The following DLGAP2 variants were observed in gnomAD, a reference collection of about 807,000 sequenced individuals.
DLGAP2 encodes disks large-associated protein 2.
In DLGAP2, 26 loss-of-function variants were observed where a neutral mutation model predicts 100.3. The observed-to-expected ratio is 0.26, with a 90% CI of 0.19 to 0.36. DLGAP2 has a LOEUF of 0.36. Ranked by LOEUF, DLGAP2 falls within the 10% of genes least tolerant of loss-of-function variation. The pLI, the probability that DLGAP2 is intolerant of heterozygous loss-of-function variation, is 1.00. For synonymous variants in DLGAP2, 886 were observed against 630.1 expected (o/e 1.41, Z -6.08); for missense variants, 1,858 against 1,453.2 (o/e 1.28, Z -4.53).
chr8:1,673,803 A>G (rs1445181455), intron 10 of DLGAP2, among the ~76,000 whole-genome samples: 1 of 152,224 alleles, frequency 6.6e-6, no homozygotes, highest in Non-Finnish European at 1.5e-5. Flanking sequence ...ACCAGCTCCA[A>G]AAACTGTATT....
At chr8:954,641 G>C (rs1383007182) in intron 2 of DLGAP2, among the ~76,000 whole-genome samples, 2 of 152,158 alleles carry the variant, frequency 1.3e-5, no homozygotes, top group African/African-American at 2.4e-5. Context: ...ATTGGATTTA[G>C]ATAAAGTTTA....
rs117910090 is a variant in DLGAP2, at chr8:1,311,217, A to C, written c.106+52334A>C. Among the ~76,000 whole-genome samples, 1,123 of 152,326 alleles carry C rather than the reference A, an allele frequency of 7.4e-3. 42 individuals are homozygous for C. The highest frequency in any genetic ancestry group is 0.061 in the Admixed American group (938 of 15,304). On this transcript the variant is annotated intron_variant, in intron 3 of 14. Coordinates refer to ENST00000637795, the MANE Select transcript of DLGAP2 (RefSeq NM_001346810.2). ...ATTTATATAACAATGAAAATGACCT[A>C]AACTGACTGAAGACAAGATAAAAAA...
chr8:1,462,751 C>A (rs1477200301), intron 3 of DLGAP2, among the ~76,000 whole-genome samples: 1 of 152,214 alleles, frequency 6.6e-6, no homozygotes. Flanking sequence ...CCACGTCCCC[C>A]CGCAGAGGCC....
rs6558512 is a variant in DLGAP2 at position 1,693,843 on chromosome 8, A to G, written c.2796+2217A>G. On this transcript the variant is annotated intron_variant, in intron 13 of 14. Coordinates refer to ENST00000637795, the MANE Select transcript of DLGAP2 (RefSeq NM_001346810.2). The stretch of plus-strand genomic sequence containing the variant: ...CCTCGAAAGAAGCCTGTAACTGTGT[A>G]AACATTCAGCTGCCATGTCACCTGT... 3.3e-3 allele frequency among the ~76,000 whole-genome samples: 510 copies of G among 152,348 alleles called. 4 individuals carry two copies. Among genetic ancestry groups the G allele is most frequent in the African/African-American group, 0.012 (484 of 41,580 alleles).
At position 1,658,180 on chromosome 8, in the gene DLGAP2, T is replaced by A. The variant is rs113815378; in HGVS notation, c.1811-10149T>A. Reference sequence around the variant, plus strand: ...GGGCTCCACCCTCCACCTGGCTGGTTGCCATGATACCTGTATACCTGGCTT... The same window carrying A: ...GGGCTCCACCCTCCACCTGGCTGGTAGCCATGATACCTGTATACCTGGCTT... On this transcript the variant is annotated intron_variant, in intron 8 of 14. Transcript: ENST00000637795. Among the ~76,000 whole-genome samples the A allele has an allele frequency of 4.3e-3, 652 of 152,182 alleles. 7 individuals carry two copies. Among genetic ancestry groups the A allele is most frequent in the African/African-American group, 0.015 (607 of 41,546 alleles).
At chr8:1,607,911 T>A (rs12155963) in intron 6 of DLGAP2, among the ~76,000 whole-genome samples, 1 of 146,672 alleles carries the variant, frequency 6.8e-6, no homozygotes, top group Non-Finnish European at 1.5e-5. Context: ...TCTCGCTGAT[T>A]GCTAGCACAG....
intron 3 of DLGAP2, among the ~76,000 whole-genome samples, chr8:1,458,347 G>T (rs1798379361): frequency 6.6e-6 from 1 of 152,052 alleles, no homozygotes; most frequent in South Asian, 2.1e-4. Flanking sequence ...CCACAGTAAG[G>T]ATAAAACCTT....
chr8:1,160,222 GCA>G (rs1042640858), intron 2 of DLGAP2, among the ~76,000 whole-genome samples: 2 of 152,160 alleles, frequency 1.3e-5, no homozygotes, highest in Admixed American at 6.5e-5. Flanking sequence ...TGTATAAATA[GCA>G]CAGTTTTTCA....
intron 3 of DLGAP2, among the ~76,000 whole-genome samples, chr8:1,321,608 C>A (rs1399907315): frequency 6.6e-6 from 1 of 152,218 alleles, no homozygotes; most frequent in Non-Finnish European, 1.5e-5. Flanking sequence ...GCTTTTACAT[C>A]AGGATACTTT....
chr8:1,496,487 C>G (rs1187340040), intron 3 of DLGAP2, among the ~76,000 whole-genome samples: 2 of 152,166 alleles, frequency 1.3e-5, no homozygotes, highest in Admixed American at 1.3e-4. Flanking sequence ...GCTTCCTTCC[C>G]TTCTCAAGGC....
chr8:1,270,247 A>T (rs745504606), intron 3 of DLGAP2, among the ~76,000 whole-genome samples: 1 of 152,192 alleles, frequency 6.6e-6, no homozygotes, highest in Non-Finnish European at 1.5e-5. Context: ...CCGTATACAC[A>T]GAAGGGACTT....
chr8:1,008,394 T>C (rs1036900161), intron 2 of DLGAP2, among the ~76,000 whole-genome samples: 9 of 152,240 alleles, frequency 5.9e-5, no homozygotes, highest in Admixed American at 3.3e-4. Flanking sequence ...TTTGCAGATA[T>C]GGTTTTAAGA....
intron 14 of DLGAP2, among the ~76,000 whole-genome samples, chr8:1,698,378 G>A (rs1378045812): frequency 6.6e-6 from 1 of 151,864 alleles, no homozygotes; most frequent in Non-Finnish European, 1.5e-5. Context: ...CATGGGACAG[G>A]TCCACGTAAG....
At chr8:1,604,993 G>C (rs1262278709) in intron 6 of DLGAP2, among the ~76,000 whole-genome samples, 3 of 152,164 alleles carry the variant, frequency 2.0e-5, no homozygotes, top group Non-Finnish European at 4.4e-5. Context: ...ACAGGATAAA[G>C]ATAGTGCAGT....
At chr8:834,545 C>G (rs188810331) in intron 1 of DLGAP2, among the ~76,000 whole-genome samples, 1 of 152,320 alleles carries the variant, frequency 6.6e-6, no homozygotes, top group Admixed American at 6.5e-5. Context: ...CCTACCTGCA[C>G]TTTAACTTGT....
At chr8:1,251,851 C>G (rs1416406517) in intron 2 of DLGAP2, among the ~76,000 whole-genome samples, 1 of 152,218 alleles carries the variant, frequency 6.6e-6, no homozygotes, top group Non-Finnish European at 1.5e-5. Context: ...GTTGCATATT[C>G]TCGCATCATG....
chr8:1,323,915 A>G (rs983187416), intron 3 of DLGAP2, among the ~76,000 whole-genome samples: 1 of 152,162 alleles, frequency 6.6e-6, no homozygotes, highest in Non-Finnish European at 1.5e-5. Flanking sequence ...TTTATTATTT[A>G]TGCTCTGCCT....
intron 2 of DLGAP2, among the ~76,000 whole-genome samples, chr8:1,220,236 T>C (rs1798290369): frequency 1.3e-5 from 2 of 152,332 alleles, no homozygotes; most frequent in South Asian, 4.1e-4. Flanking sequence ...CTTCTTGATG[T>C]AATCATTTAG....
chr8:1,475,893 T>C (rs2130224048), intron 3 of DLGAP2, among the ~76,000 whole-genome samples: 1 of 152,308 alleles, frequency 6.6e-6, no homozygotes, highest in Admixed American at 6.5e-5. Flanking sequence ...CTAGGAAATC[T>C]TAGAAGTAGC....
Sources: allele counts gnomAD v4.1 joint callset (sites outside exome capture counted in the v4.1 genomes callset), GRCh38; gene constraint gnomAD v4.1.1; transcripts MANE v1.5; gene names NCBI Gene and HGNC (gene_info 2026-07-23, HGNC 2026-07-21).